Variants in VWC2L observed in about 807,000 individuals in gnomAD.
VWC2L encodes von Willebrand factor C domain-containing protein 2-like.
VWC2L carries 10 observed loss-of-function variants against 21.6 expected under a neutral mutation model. That is an observed-to-expected ratio of 0.46 (90% confidence interval 0.29 to 0.78). The LOEUF is 0.78. Among genes scored for constraint, VWC2L ranks in the 30% least tolerant of loss-of-function variants. VWC2L has a pLI of 0.10. For synonymous variants in VWC2L, 96 were observed against 94.3 expected, an observed-to-expected ratio of 1.02 and a Z score of -0.10; for missense variants, 209 against 277.1, an observed-to-expected ratio of 0.75 and a Z score of 1.74.
rs1702322978 is a variant in VWC2L at position 214,414,373 on chromosome 2, A to T, written c.180A>T (p.Val60=). ...GKGCVDDSGF[V]YKLGERFFPG... ...GGTGTGTCGATGACAGCGGCTTTGT[A>T]TACAAGTTGGGAGAACGATTTTTCC... The change falls in exon 2 of 4, where the codon GTA becomes GTT. Residue 60 remains valine, a synonymous_variant. Transcript: ENST00000312504. The T allele has an allele frequency of 6.2e-7, 1 of 1,613,592 alleles. No homozygotes were observed.
intron 3 of VWC2L, among the ~76,000 whole-genome samples, chr2:214,543,996 G>T (rs553272026): frequency 3.3e-5 from 5 of 152,302 alleles, no homozygotes; most frequent in African/African-American, 9.6e-5. Flanking sequence ...TCTCTCTTAC[G>T]ATTGTACTTG....
intron 3 of VWC2L, among the ~76,000 whole-genome samples, chr2:214,513,828 C>A (rs1574608371): frequency 6.6e-6 from 1 of 152,200 alleles, no homozygotes; most frequent in East Asian, 1.9e-4. Context: ...TAGTTCAAAT[C>A]TTCCGGAAAG....
chr2:214,454,591 T>TTAAAG, intron 3 of VWC2L, among the ~76,000 whole-genome samples: 1 of 143,928 alleles, frequency 6.9e-6, no homozygotes, highest in Middle Eastern at 3.5e-3. Context: ...TTACATTGAT[T>TTAAAG]GATTTTCTTT....
intron 3 of VWC2L, among the ~76,000 whole-genome samples, chr2:214,453,690 A>G (rs761894413): frequency 4.0e-4 from 60 of 149,166 alleles, no homozygotes; most frequent in South Asian, 2.6e-3. Context: ...GGCTTTTCAC[A>G]TATTTGCTCA....
Position 214,548,816 on chromosome 2 carries a change from T to C in VWC2L, c.521-26856T>C, listed in dbSNP as rs115706661. Reference sequence around the variant, plus strand: ...AGTTCCTTTAAAATTAATTGGGAAATTCCACTTTACATCTAGACTGATCCT... The same window carrying C: ...AGTTCCTTTAAAATTAATTGGGAAACTCCACTTTACATCTAGACTGATCCT... On this transcript the variant is annotated intron_variant, in intron 3 of 3. Transcript: ENST00000312504. Among the ~76,000 whole-genome samples the C allele has an allele frequency of 8.1e-4, 123 of 152,312 alleles. 1 individual carries two copies. Among genetic ancestry groups the C allele is most frequent in the African/African-American group, 2.8e-3 (117 of 41,582 alleles).
intron 3 of VWC2L, among the ~76,000 whole-genome samples, chr2:214,522,529 A>T (rs1052896279): frequency 9.9e-5 from 15 of 152,128 alleles, no homozygotes; most frequent in African/African-American, 3.6e-4. Flanking sequence ...GTTTCGTTAC[A>T]GGCATATGAT....
chr2:214,482,253 T>G (rs1688613353), intron 3 of VWC2L, among the ~76,000 whole-genome samples: 1 of 152,150 alleles, frequency 6.6e-6, no homozygotes, highest in Non-Finnish European at 1.5e-5. Flanking sequence ...TAGCATCTGA[T>G]AGTATGCAGA....
At chr2:214,448,388 G>A (rs1316045412) in intron 3 of VWC2L, among the ~76,000 whole-genome samples, 1 of 152,156 alleles carries the variant, frequency 6.6e-6, no homozygotes, top group Non-Finnish European at 1.5e-5. Context: ...ATTTCATACA[G>A]AATAACTTTC....
intron 2 of VWC2L, among the ~76,000 whole-genome samples, chr2:214,428,628 A>T (rs977176420): frequency 6.6e-5 from 10 of 152,180 alleles, no homozygotes; most frequent in African/African-American, 2.2e-4. Context: ...ATAATGAACT[A>T]TCAAATTCAG....
chr2:214,460,459 C>T (rs545350865), intron 3 of VWC2L, among the ~76,000 whole-genome samples: 1 of 151,824 alleles, frequency 6.6e-6, no homozygotes, highest in African/African-American at 2.4e-5. Context: ...CCTTTTTATT[C>T]TCTTTGGATT....
chr2:214,428,135 A>G (rs1354874571), intron 2 of VWC2L, among the ~76,000 whole-genome samples: 1 of 152,214 alleles, frequency 6.6e-6, no homozygotes, highest in East Asian at 1.9e-4. Context: ...ACTCTGACGA[A>G]GTTGAAAGCT....
intron 2 of VWC2L, among the ~76,000 whole-genome samples, chr2:214,416,030 G>A (rs1004696149): frequency 4.6e-5 from 7 of 151,984 alleles, no homozygotes; most frequent in South Asian, 2.1e-4. Context: ...GTAAGTAGAA[G>A]TACTCAACAC....
intron 3 of VWC2L, among the ~76,000 whole-genome samples, chr2:214,531,226 C>G (rs1689430088): frequency 6.6e-6 from 1 of 152,154 alleles, no homozygotes; most frequent in African/African-American, 2.4e-5. Flanking sequence ...GAGTCCCTAC[C>G]TACACAGCAA....
At chr2:214,552,230 C>T (rs1689805809) in intron 3 of VWC2L, among the ~76,000 whole-genome samples, 1 of 152,182 alleles carries the variant, frequency 6.6e-6, no homozygotes, top group Admixed American at 6.5e-5. Context: ...TATTGATAAA[C>T]ACATGGCCCT....
chr2:214,476,536 C>T (rs1688528719), intron 3 of VWC2L, among the ~76,000 whole-genome samples: 1 of 152,132 alleles, frequency 6.6e-6, no homozygotes, highest in South Asian at 2.1e-4. Flanking sequence ...GTACCACAGG[C>T]TTAAACTAAA....
intron 2 of VWC2L, among the ~76,000 whole-genome samples, chr2:214,421,998 T>G (rs1702450235): frequency 7.0e-6 from 1 of 142,218 alleles, no homozygotes; most frequent in South Asian, 2.4e-4. Context: ...CACGCCATTC[T>G]CCTGCCTCAG....
chr2:214,539,684 G>A (rs1320165013), intron 3 of VWC2L, among the ~76,000 whole-genome samples: 1 of 152,056 alleles, frequency 6.6e-6, no homozygotes, highest in Non-Finnish European at 1.5e-5. Flanking sequence ...TAGGCAATTT[G>A]TAATTAGATT....
chr2:214,486,155 C>T (rs1454919725), intron 3 of VWC2L, among the ~76,000 whole-genome samples: 1 of 152,112 alleles, frequency 6.6e-6, no homozygotes, highest in Non-Finnish European at 1.5e-5. Flanking sequence ...CTTTTAATTG[C>T]TTATTTATCA....
chr2:214,464,503 C>T (rs1287406801), intron 3 of VWC2L, among the ~76,000 whole-genome samples: 1 of 151,834 alleles, frequency 6.6e-6, no homozygotes, highest in Admixed American at 6.5e-5. Flanking sequence ...GTCTCTCTCT[C>T]CATGCTGAGC....
Sources: allele counts gnomAD v4.1 joint callset (sites outside exome capture counted in the v4.1 genomes callset), GRCh38; gene constraint gnomAD v4.1.1; transcripts MANE v1.5; gene names NCBI Gene and HGNC (gene_info 2026-07-23, HGNC 2026-07-21).